Variants in COL13A1 observed in about 807,000 individuals in gnomAD.
COL13A1 encodes collagen alpha-1(XIII) chain.
Under a neutral mutation model 130.9 loss-of-function variants are expected in COL13A1, and 89 were observed. The observed-to-expected ratio is 0.68, with a 90% CI of 0.57 to 0.81. The LOEUF (loss-of-function observed/expected upper bound fraction) is 0.81. COL13A1 is among the 30% of genes least tolerant of loss of function. The pLI is 0.00. For synonymous variants in COL13A1, 402 were observed against 341.6 expected, an observed-to-expected ratio of 1.18 and a Z score of -1.95; for missense variants, 879 against 934.6, an observed-to-expected ratio of 0.94 and a Z score of 0.78.
intron 3 of COL13A1, among the ~76,000 whole-genome samples, chr10:69,871,218 C>T (rs12146250): frequency 2.0e-5 from 3 of 151,928 alleles, no homozygotes; most frequent in Non-Finnish European, 2.9e-5. Context: ...GGACGCAGTG[C>T]CTGGGCTGTC....
intron 2 of COL13A1, among the ~76,000 whole-genome samples, chr10:69,849,347 G>A (rs1340212717): frequency 3.3e-5 from 5 of 152,112 alleles, no homozygotes; most frequent in African/African-American, 1.2e-4. Context: ...GGGGAGCGGG[G>A]GTGGGGGGCG....
In COL13A1 at chr10:69,930,445, G is replaced by A. The variant is rs1370356825; in HGVS notation, c.1576G>A (p.Gly526Ser). ...PGDMGPPGPQ[G>S]PPGKDGPPGV... ...AGACATGGGCCCTCCTGGTCCCCAA[G>A]GCCCCCCAGGAAAGGATGGACCTCC... The change falls in exon 30 of 41, where the codon GGC becomes AGC. Residue 526 changes from glycine to serine, a missense_variant. Coordinates refer to ENST00000645393, the MANE Select transcript of COL13A1 (RefSeq NM_001368882.1). 1 of 1,613,702 alleles carries A rather than the reference G, an allele frequency of 6.2e-7. No homozygotes were observed. Among genetic ancestry groups the A allele is most frequent in the African/African-American group, 1.3e-5 (1 of 75,028 alleles).
intron 3 of COL13A1, among the ~76,000 whole-genome samples, chr10:69,868,407 C>A (rs903624589): frequency 6.6e-6 from 1 of 152,148 alleles, no homozygotes; most frequent in Non-Finnish European, 1.5e-5. Context: ...TCCTTCCTGG[C>A]CTTGCTAGGA....
intron 2 of COL13A1, among the ~76,000 whole-genome samples, chr10:69,854,463 C>G (rs1377117264): frequency 6.6e-6 from 1 of 152,014 alleles, no homozygotes; most frequent in African/African-American, 2.4e-5. Flanking sequence ...GTCCCAGCTA[C>G]TCGGGAGGCT....
intron 2 of COL13A1, among the ~76,000 whole-genome samples, chr10:69,834,842 G>A (rs1158686860): frequency 3.3e-5 from 5 of 152,196 alleles, no homozygotes; most frequent in Non-Finnish European, 7.3e-5. Flanking sequence ...GGAACAGTTC[G>A]TCCAGAGGGA....
chr10:69,825,733 G>A (rs1012388408), intron 2 of COL13A1, among the ~76,000 whole-genome samples: 1 of 152,222 alleles, frequency 6.6e-6, no homozygotes, highest in African/African-American at 2.4e-5. Flanking sequence ...TGGCAGCCTT[G>A]GGGCCCTGGG....
intron 38 of COL13A1, among the ~76,000 whole-genome samples, chr10:69,950,951 C>G (rs548674962): frequency 6.6e-5 from 10 of 152,228 alleles, no homozygotes; most frequent in African/African-American, 2.4e-4. Flanking sequence ...TGGGTTCAAG[C>G]GATTCTCCTG....
chr10:69,813,197 G>A (rs1026444528), intron 1 of COL13A1, among the ~76,000 whole-genome samples: 2 of 152,164 alleles, frequency 1.3e-5, no homozygotes, highest in African/African-American at 4.8e-5. Flanking sequence ...GTGGTGGGGG[G>A]CCCCTGCCTT....
At chr10:69,860,579 T>C in intron 2 of COL13A1, 1 of 157,102 alleles carries the variant, frequency 6.4e-6, no homozygotes, top group Non-Finnish European at 1.4e-5. Context: ...GAATTACAGC[T>C]GGGTGGGGGA....
intron 2 of COL13A1, among the ~76,000 whole-genome samples, chr10:69,842,275 G>A (rs900031062): frequency 2.6e-5 from 4 of 152,258 alleles, no homozygotes; most frequent in Middle Eastern, 3.4e-3. Flanking sequence ...ACATTAAGAC[G>A]TGCCTTTCAC....
chr10:69,828,853 T>C (rs190400391), intron 2 of COL13A1, among the ~76,000 whole-genome samples: 1 of 152,362 alleles, frequency 6.6e-6, no homozygotes, highest in East Asian at 1.9e-4. Flanking sequence ...TGTATACACC[T>C]GCAGAGGTTT....
At chr10:69,849,697 G>A (rs1012565108) in intron 2 of COL13A1, among the ~76,000 whole-genome samples, 5 of 152,116 alleles carry the variant, frequency 3.3e-5, no homozygotes, top group African/African-American at 4.8e-5. Context: ...AGCCTGCCTC[G>A]ACCTGTGCCC....
intron 40 of COL13A1, 132 bp from the exon 41 acceptor site, chr10:69,958,567 G>A (rs754362870): frequency 6.9e-5 from 97 of 1,415,950 alleles, no homozygotes; most frequent in Non-Finnish European, 8.3e-5. Flanking sequence ...TAGGGGCTCA[G>A]GGTTCCCACA....
intron 1 of COL13A1, among the ~76,000 whole-genome samples, chr10:69,809,043 C>A (rs754256190): frequency 1.3e-5 from 2 of 152,198 alleles, no homozygotes; most frequent in Non-Finnish European, 2.9e-5. Context: ...CTCCCAAGGT[C>A]AGGAGCTTCA....
chr10:69,921,798 G>A, intron 21 of COL13A1, 84 bp from the exon 22 acceptor site: 1 of 1,528,814 alleles, frequency 6.5e-7, no homozygotes, highest in African/African-American at 1.4e-5. Flanking sequence ...GGGAAGGCAA[G>A]GCCCTAAGCT....
intron 7 of COL13A1, among the ~76,000 whole-genome samples, chr10:69,884,409 G>T (rs1207673373): frequency 1.3e-5 from 2 of 152,224 alleles, no homozygotes; most frequent in Non-Finnish European, 2.9e-5. Context: ...GGTGAGGGAG[G>T]CAGAATGAGG....
chr10:69,885,991 T>G (rs2060562244), intron 7 of COL13A1, among the ~76,000 whole-genome samples: 1 of 152,148 alleles, frequency 6.6e-6, no homozygotes, highest in African/African-American at 2.4e-5. Flanking sequence ...AGCTGACGTG[T>G]TCCCTGAGCA....
chr10:69,922,522 A>C (rs532634176), intron 22 of COL13A1, among the ~76,000 whole-genome samples, 186 bp from the exon 23 acceptor site: 25 of 152,302 alleles, frequency 1.6e-4, no homozygotes, highest in Middle Eastern at 6.8e-3. Context: ...TCAGCTCTAA[A>C]CCTGCTGCCC....
chr10:69,889,461 C>A (rs767782819), intron 10 of COL13A1, 21 bp downstream of exon 10: 6 of 1,609,646 alleles, frequency 3.7e-6, no homozygotes, highest in Admixed American at 1.7e-5. Flanking sequence ...AGCTTTCCTG[C>A]CTTCCCGAGA....
Sources: allele counts gnomAD v4.1 joint callset (sites outside exome capture counted in the v4.1 genomes callset), GRCh38; gene constraint gnomAD v4.1.1; transcripts MANE v1.5; gene names NCBI Gene and HGNC (gene_info 2026-07-23, HGNC 2026-07-21).